The following SV2C variants were observed in gnomAD, a reference collection of about 807,000 sequenced individuals.
SV2C encodes solute carrier family 22 member B3.
In SV2C, 49 loss-of-function variants were observed where a neutral mutation model predicts 79.7. That is an observed-to-expected ratio of 0.61 (90% CI 0.49 to 0.78). SV2C has a LOEUF of 0.78. SV2C is among the 30% of genes least tolerant of loss of function. The pLI is 0.00. For missense variants in SV2C, 833 were observed against 912.9 expected, an observed-to-expected ratio of 0.91 and a Z score of 1.13; for synonymous variants, 334 against 333.2, an observed-to-expected ratio of 1.00 and a Z score of -0.03.
the SV2C span, among the ~76,000 whole-genome samples, chr5:76,030,281 T>TATTTATTTATTTATTTATTTATTTATTTA: frequency 6.2e-5 from 7 of 113,378 alleles, 1 homozygote; most frequent in African/African-American, 3.0e-4. Flanking sequence ...TTTTTTTTTT[T>TATTTATTTATTTATTTATTTATTTATTTA]TTTTTTTTTT....
intron 1 of SV2C, among the ~76,000 whole-genome samples, chr5:76,085,825 CTA>C (rs1491169442): frequency 5.0e-5 from 3 of 60,198 alleles, no homozygotes; most frequent in Non-Finnish European, 9.1e-5. Context: ...AACAAAGCCC[CTA>C]CACACACACA....
chr5:76,132,331 G>A lies in SV2C; in HGVS notation c.580+1G>A. The A allele has an allele frequency of 2.5e-6, 4 of 1,608,060 alleles. No homozygotes were observed. Among genetic ancestry groups the A allele is most frequent in the Non-Finnish European group, 3.4e-6 (4 of 1,176,194 alleles). Reference sequence around the variant, plus strand: ...CCAAATTCAGGATCTGGATGGCTAGGTGAGTGTGTGGTGTCAGTGAGGCCA... The same window carrying A: ...CCAAATTCAGGATCTGGATGGCTAGATGAGTGTGTGGTGTCAGTGAGGCCA... On this transcript the variant is annotated splice_donor_variant, in intron 2 of 12. Transcript: ENST00000502798. LOFTEE classifies it high-confidence loss of function.
chr5:76,056,203 G>T, the SV2C span, among the ~76,000 whole-genome samples: 3 of 152,018 alleles, frequency 2.0e-5, no homozygotes, highest in Non-Finnish European at 4.4e-5. Flanking sequence ...TAACATGAAG[G>T]GCTGTTGAAT....
the SV2C span, among the ~76,000 whole-genome samples, chr5:75,943,232 TG>T: frequency 6.6e-6 from 1 of 152,188 alleles, no homozygotes; most frequent in Non-Finnish European, 1.5e-5. Context: ...CTCACGCTAT[TG>T]CTTGGAAGAG....
chr5:75,919,408 T>G, the SV2C span, among the ~76,000 whole-genome samples: 1 of 152,240 alleles, frequency 6.6e-6, no homozygotes, highest in Non-Finnish European at 1.5e-5. Context: ...AAATTGTCTA[T>G]GCAGCTGGCT....
At chr5:75,850,650 A>G in the SV2C span, among the ~76,000 whole-genome samples, 1 of 152,098 alleles carries the variant, frequency 6.6e-6, no homozygotes, top group Non-Finnish European at 1.5e-5. Context: ...AAAAAAAAGC[A>G]TATATATGTA....
At chr5:76,136,717 TTAAAA>T (rs997009783) in intron 2 of SV2C, among the ~76,000 whole-genome samples, 13 of 152,164 alleles carry the variant, frequency 8.5e-5, no homozygotes, top group Non-Finnish European at 1.6e-4. Context: ...ATCCCAGAAC[TTAAAA>T]TAAAAAATAT....
intron 1 of SV2C, among the ~76,000 whole-genome samples, chr5:76,101,440 C>A (rs370514609): frequency 1.3e-5 from 2 of 151,874 alleles, no homozygotes; most frequent in African/African-American, 4.8e-5. Flanking sequence ...AGTGGCTAGC[C>A]CATATGTATT....
chr5:75,946,109 C>T, the SV2C span, among the ~76,000 whole-genome samples: 1 of 151,886 alleles, frequency 6.6e-6, no homozygotes, highest in African/African-American at 2.4e-5. Flanking sequence ...GAAACTAAAA[C>T]CTGGTTCTGT....
At chr5:76,148,004 T>C (rs1006207613) in intron 2 of SV2C, among the ~76,000 whole-genome samples, 2 of 152,202 alleles carry the variant, frequency 1.3e-5, no homozygotes, top group African/African-American at 4.8e-5. Flanking sequence ...ATTCATTCTT[T>C]GATGTTTCTG....
At chr5:75,907,479 G>T in the SV2C span, among the ~76,000 whole-genome samples, 6 of 152,118 alleles carry the variant, frequency 3.9e-5, no homozygotes, top group Non-Finnish European at 8.8e-5. Flanking sequence ...GCGGTGGGAT[G>T]GGGGGAGGAT....
At chr5:76,291,173 C>A (rs1350300774) in intron 6 of SV2C, 48 bp from the exon 7 acceptor site, 1 of 1,434,800 alleles carries the variant, frequency 7.0e-7, no homozygotes, top group Non-Finnish European at 9.6e-7. Flanking sequence ...CTACACTCAG[C>A]AACTTCAGAG....
chr5:76,017,746 TA>T, the SV2C span, among the ~76,000 whole-genome samples: 2 of 152,166 alleles, frequency 1.3e-5, no homozygotes, highest in African/African-American at 2.4e-5. Flanking sequence ...GATAAGAGGA[TA>T]GGGGAAAGCT....
the SV2C span, among the ~76,000 whole-genome samples, chr5:76,039,615 G>A: frequency 1.3e-5 from 2 of 151,998 alleles, no homozygotes; most frequent in African/African-American, 2.4e-5. Flanking sequence ...AATTAACCGG[G>A]CATGGTGGTA....
chr5:75,911,234 G>A, the SV2C span: 32 of 1,549,742 alleles, frequency 2.1e-5, no homozygotes, highest in African/African-American at 3.7e-4. Flanking sequence ...ACCATTGGGA[G>A]TGGCAAGTCC....
intron 2 of SV2C, among the ~76,000 whole-genome samples, chr5:76,140,108 T>G (rs997790658): frequency 6.6e-6 from 1 of 152,206 alleles, no homozygotes; most frequent in Non-Finnish European, 1.5e-5. Flanking sequence ...GTCAGACTAC[T>G]TGGCATTCCT....
At chr5:75,854,272 C>A in the SV2C span, among the ~76,000 whole-genome samples, 1 of 152,038 alleles carries the variant, frequency 6.6e-6, no homozygotes, top group South Asian at 2.1e-4. Flanking sequence ...TATCAATTCA[C>A]CTGTTGATGG....
chr5:75,932,319 C>T, the SV2C span, among the ~76,000 whole-genome samples: 2,582 of 152,304 alleles, frequency 0.017, 83 homozygotes, highest in African/African-American at 0.056. Context: ...CTGTGGCTAT[C>T]ATCTGGGTCT....
At chr5:75,999,795 G>A in the SV2C span, among the ~76,000 whole-genome samples, 2 of 152,144 alleles carry the variant, frequency 1.3e-5, 1 homozygote, top group Admixed American at 1.3e-4. Flanking sequence ...GGCACTGGCA[G>A]ATTTGGTGTC....
Sources: allele counts gnomAD v4.1 joint callset (sites outside exome capture counted in the v4.1 genomes callset), GRCh38; gene constraint gnomAD v4.1.1; transcripts MANE v1.5; gene names NCBI Gene and HGNC (gene_info 2026-07-23, HGNC 2026-07-21).